Variants in TMEM74 observed in about 807,000 individuals in gnomAD.
TMEM74 encodes transmembrane protein 74.
Under a neutral mutation model 18.1 loss-of-function variants are expected in TMEM74, and 13 were observed. The ratio of observed to expected loss-of-function variants is 0.72; its 90% confidence interval spans 0.47 to 1.14. The LOEUF (loss-of-function observed/expected upper bound fraction) is 1.14. Ranked by LOEUF, TMEM74 falls within the 50% of genes most tolerant of loss-of-function variation. TMEM74 has a pLI of 0.00. For missense variants in TMEM74, 372 were observed against 375.9 expected, an observed-to-expected ratio of 0.99 and a Z score of 0.09; for synonymous variants, 159 against 146.6, an observed-to-expected ratio of 1.08 and a Z score of -0.61.
chr8:108,713,969 G>A (rs558655692), intron 1 of TMEM74, among the ~76,000 whole-genome samples: 85 of 152,284 alleles, frequency 5.6e-4, no homozygotes, highest in African/African-American at 2.0e-3. Flanking sequence ...ATAGGGACAG[G>A]AGAAAAAGAG....
chr8:108,657,860 ATAT>A (rs1282019012), intron 1 of TMEM74, among the ~76,000 whole-genome samples: 126 of 45,620 alleles, frequency 2.8e-3, no homozygotes, highest in Middle Eastern at 0.017. Context: ...AAAAAAAAAA[ATAT>A]ATATATATAT....
At chr8:108,617,000 A>G (rs1262362221) in intron 2 of TMEM74, among the ~76,000 whole-genome samples, 1 of 151,636 alleles carries the variant, frequency 6.6e-6, no homozygotes, top group Non-Finnish European at 1.5e-5. Flanking sequence ...ATATATACTG[A>G]CTATATATTT....
rs141211302 is a variant in TMEM74, at chr8:108,773,509, A to G, written n.119+13967T>C. Among the ~76,000 whole-genome samples the G allele has an allele frequency of 7.7e-3, 1,171 of 152,244 alleles. 10 individuals are homozygous for G. The highest frequency in any genetic ancestry group is 0.026 in the African/African-American group (1,079 of 41,546). On this transcript the variant is annotated intron_variant and non_coding_transcript_variant, in intron 1 of 3. Transcript: ENST00000518838. ...TTCCTTCTTGACGCTCCTCCCCTAA[A>G]ACGGTAGAGCCTAGTTTCACTATCC... is the stretch of plus-strand genomic sequence containing the variant.
rs1283223577 is a variant in TMEM74, at chr8:108,756,650, G to GAAAGAA, written n.119+30825_119+30826insTTCTTT. Among the ~76,000 whole-genome samples, 74 of 27,092 alleles carry GAAAGAA rather than the reference G, an allele frequency of 2.7e-3. 1 individual carries two copies. Among genetic ancestry groups the GAAAGAA allele is most frequent in the Non-Finnish European group, 1.5e-3 (22 of 14,638 alleles). The allele number at this position is 27,092 out of a possible 152,430, so 17.8% of individuals were successfully genotyped here. A position where few individuals can be genotyped will look rare whatever the true frequency, so the allele number is the denominator to read the frequency against. ...AGGAAGGAAGGAAGGAAGAAAGAAA[G>GAAAGAA]AGAAAGAAAGAAAGAAAGAAAGAAA... On this transcript the variant is annotated intron_variant and non_coding_transcript_variant, in intron 1 of 3. Transcript: ENST00000518838.
rs1051273059 is a variant in TMEM74, at chr8:108,782,457, C to A, written c.*1724G>T. Among the ~76,000 whole-genome samples, 6 of 151,958 alleles carry A rather than the reference C, an allele frequency of 3.9e-5. No homozygotes were observed. Among genetic ancestry groups the A allele is most frequent in the African/African-American group, 1.2e-4 (5 of 41,356 alleles). On this transcript the variant is annotated 3_prime_UTR_variant, in exon 2 of 2. Coordinates refer to ENST00000297459, the MANE Select transcript of TMEM74 (RefSeq NM_153015.3). The stretch of plus-strand genomic sequence containing the variant: ...TTTTACTTAATAATTCTTTCATATG[C>A]CCATCCTCTCTTTTTACTATCTTCT...
intron 2 of TMEM74, among the ~76,000 whole-genome samples, chr8:108,641,503 G>T (rs983173247): frequency 6.6e-6 from 1 of 152,062 alleles, no homozygotes; most frequent in African/African-American, 2.4e-5. Flanking sequence ...CTGCTGTGCA[G>T]TCCATGTGCT....
At chr8:108,616,488 G>C (rs116272730) in intron 2 of TMEM74, among the ~76,000 whole-genome samples, 2 of 152,154 alleles carry the variant, frequency 1.3e-5, no homozygotes, top group Non-Finnish European at 2.9e-5. Context: ...TAAGTATTTA[G>C]TGGAAAGGTT....
chr8:108,614,865 T>C (rs1156908109), intron 2 of TMEM74, among the ~76,000 whole-genome samples: 2 of 152,128 alleles, frequency 1.3e-5, no homozygotes, highest in Non-Finnish European at 2.9e-5. Flanking sequence ...ACAAACAAAA[T>C]ACAATAATCA....
chr8:108,667,884 A>G (rs771273378), intron 1 of TMEM74, among the ~76,000 whole-genome samples: 15 of 151,986 alleles, frequency 9.9e-5, no homozygotes, highest in Non-Finnish European at 1.6e-4. Flanking sequence ...AACGCCTAGT[A>G]CCTCCTCCCA....
chr8:108,681,271 A>G (rs543753562), intron 1 of TMEM74, among the ~76,000 whole-genome samples: 1 of 152,312 alleles, frequency 6.6e-6, no homozygotes, highest in Admixed American at 6.5e-5. Context: ...AAACTATACT[A>G]CAAGGCTACA....
intron 1 of TMEM74, among the ~76,000 whole-genome samples, chr8:108,700,938 C>A (rs1813329492): frequency 6.6e-6 from 1 of 151,976 alleles, no homozygotes; most frequent in Non-Finnish European, 1.5e-5. Context: ...TTATTATTCT[C>A]ATTTTGGAGA....
Position 108,780,279 on chromosome 8 carries a change from A to G in TMEM74, c.*3902T>C, listed in dbSNP as rs926491537. Among the ~76,000 whole-genome samples, 7 of 152,168 alleles carry G rather than the reference A, an allele frequency of 4.6e-5. No homozygotes were observed. The highest frequency in any genetic ancestry group is 7.3e-5 in the Non-Finnish European group (5 of 68,030). The stretch of plus-strand genomic sequence containing the variant: ...AAACCTTCTCCTAAGAGATATACAT[A>G]TAGAACACTTTTTTAACTTGACAAT... On this transcript the variant is annotated 3_prime_UTR_variant, in exon 2 of 2. Coordinates refer to ENST00000297459, the MANE Select transcript of TMEM74 (RefSeq NM_153015.3).
At chr8:108,772,407 T>G (rs1563547946) in intron 1 of TMEM74, among the ~76,000 whole-genome samples, 1 of 152,186 alleles carries the variant, frequency 6.6e-6, no homozygotes, top group Non-Finnish European at 1.5e-5. Flanking sequence ...AGTATTGATC[T>G]GGGTTCTGTG....
chr8:108,694,159 T>C (rs1352605712), intron 1 of TMEM74, among the ~76,000 whole-genome samples: 1 of 152,222 alleles, frequency 6.6e-6, no homozygotes, highest in Non-Finnish European at 1.5e-5. Context: ...ACTCGTGTCA[T>C]GTGAAATTGA....
chr8:108,720,808 G>C (rs1347720583), intron 1 of TMEM74, among the ~76,000 whole-genome samples: 1 of 151,888 alleles, frequency 6.6e-6, no homozygotes, highest in Non-Finnish European at 1.5e-5. Flanking sequence ...TTGCTCTGTC[G>C]CCCAGGCTGG....
chr8:108,692,628 G>T (rs1369261439), intron 1 of TMEM74, among the ~76,000 whole-genome samples: 1 of 152,062 alleles, frequency 6.6e-6, no homozygotes, highest in Non-Finnish European at 1.5e-5. Flanking sequence ...CCACTTTTCA[G>T]AATATCAATA....
chr8:108,761,272 C>T (rs541587812), intron 1 of TMEM74, among the ~76,000 whole-genome samples: 1 of 152,136 alleles, frequency 6.6e-6, no homozygotes, highest in African/African-American at 2.4e-5. Flanking sequence ...ATTAGGTTTT[C>T]TAATCTCTTT....
At chr8:108,648,479 G>C (rs1563740042) in intron 2 of TMEM74, among the ~76,000 whole-genome samples, 3 of 152,122 alleles carry the variant, frequency 2.0e-5, no homozygotes, top group Admixed American at 2.0e-4. Flanking sequence ...CAGGACCTGT[G>C]AATATGTTAT....
intron 1 of TMEM74, among the ~76,000 whole-genome samples, chr8:108,762,272 C>T (rs1426890993): frequency 6.6e-6 from 1 of 152,098 alleles, no homozygotes; most frequent in East Asian, 1.9e-4. Flanking sequence ...TGATGGATTC[C>T]AGCTTCCAAC....
Sources: gnomAD v4.1 joint callset for allele counts (sites outside exome capture counted in the v4.1 genomes callset) on GRCh38, gnomAD v4.1.1 for gene constraint, MANE v1.5 for transcripts, NCBI Gene and HGNC (gene_info 2026-07-23, HGNC 2026-07-21) for gene names.